The following BRINP1 variants were observed in gnomAD, a reference collection of about 807,000 sequenced individuals.
The protein encoded by BRINP1 is BMP/retinoic acid inducible neural specific 1.
A neutral mutation model predicts 72.9 loss-of-function variants in BRINP1; 17 were observed. The observed-to-expected ratio is 0.23, with a 90% CI of 0.16 to 0.35. BRINP1 has a LOEUF of 0.35. BRINP1 is among the 10% of genes least tolerant of loss of function. The probability of loss-of-function intolerance (pLI) is 1.00; values close to 1 mark genes in which losing one functional copy is unlikely to be tolerated. For synonymous variants in BRINP1, 418 were observed against 378.5 expected, an observed-to-expected ratio of 1.10 and a Z score of -1.21; for missense variants, 850 against 1,001.6, an observed-to-expected ratio of 0.85 and a Z score of 2.04.
chr9:119,306,737 GGA>G (rs1297206065), intron 2 of BRINP1, among the ~76,000 whole-genome samples: 3 of 152,054 alleles, frequency 2.0e-5, no homozygotes, highest in Admixed American at 2.0e-4. Context: ...TTTTTTGACT[GGA>G]GAGCTAGTTT....
chr9:119,180,752 ACATGGTGT>A (rs1359808542), intron 7 of BRINP1, among the ~76,000 whole-genome samples: 1 of 152,154 alleles, frequency 6.6e-6, no homozygotes, highest in African/African-American at 2.4e-5. Context: ...TCAGTTCTTC[ACATGGTGT>A]CACAGCCTCA....
rs1213045833 is a variant in BRINP1, at chr9:119,208,705, G to T, written c.1145+14C>A. The T allele has an allele frequency of 1.9e-6, 3 of 1,610,624 alleles. No individual in the cohort carries two copies. The Admixed American group carries it at 5.0e-5, about 27-fold the overall frequency. On this transcript the variant is annotated intron_variant, in intron 7 of 7. Coordinates refer to ENST00000265922, the MANE Select transcript of BRINP1 (RefSeq NM_014618.3). ...GTAGGTGCCTGCAGAGGTGGAGGTG[G>T]TGGCAACACTTACCTCTCTCTAGGC...
Position 119,242,216 on chromosome 9 carries a change from C to G in BRINP1, c.410G>C (p.Gly137Ala). The G allele has an allele frequency of 1.9e-6, 3 of 1,613,604 alleles. No homozygotes were observed. Among genetic ancestry groups the G allele is most frequent in the African/African-American group, 2.7e-5 (2 of 75,008 alleles). ...THLLISATLG[G>A]EEALTMYMDK... ...CATATACATGGTCAAAGCCTCCTCCCCTGGATGGGAAAGAAAAGTAGATAA... is the reference window on the plus strand; with the variant it reads ...CATATACATGGTCAAAGCCTCCTCCGCTGGATGGGAAAGAAAAGTAGATAA... Residue 137 changes from glycine to alanine, a missense_variant and splice_region_variant, in exon 4 of 8, where the codon GGG becomes GCG. By Grantham distance (60) the Gly-to-Ala change is moderately conservative. Coordinates refer to ENST00000265922, the MANE Select transcript of BRINP1 (RefSeq NM_014618.3).
intron 5 of BRINP1, among the ~76,000 whole-genome samples, chr9:119,219,436 TTTCC>T (rs1297858283): frequency 6.6e-6 from 1 of 152,130 alleles, no homozygotes; most frequent in East Asian, 1.9e-4. Context: ...TTCTATTAAT[TTTCC>T]TTCCTTCCTT....
intron 1 of BRINP1, among the ~76,000 whole-genome samples, chr9:119,316,965 C>A (rs933177338): frequency 2.0e-5 from 3 of 149,120 alleles, no homozygotes; most frequent in South Asian, 2.1e-4. Context: ...GTGGTGCGCA[C>A]CTGTAGTCCC....
At chr9:119,208,548 C>A (rs1343811338) in intron 7 of BRINP1, among the ~76,000 whole-genome samples, 171 bp downstream of exon 7, 1 of 152,154 alleles carries the variant, frequency 6.6e-6, no homozygotes, top group Non-Finnish European at 1.5e-5. Context: ...CAATGTGGAG[C>A]CAGTAGGTGA....
intron 7 of BRINP1, among the ~76,000 whole-genome samples, chr9:119,180,504 T>C (rs572059232): frequency 5.9e-5 from 9 of 151,924 alleles, no homozygotes; most frequent in African/African-American, 1.7e-4. Flanking sequence ...TGTGTGTGTG[T>C]GTGTGTGTGT....
intron 2 of BRINP1, among the ~76,000 whole-genome samples, chr9:119,304,188 C>A (rs1395030788): frequency 6.6e-6 from 1 of 152,114 alleles, no homozygotes; most frequent in Non-Finnish European, 1.5e-5. Flanking sequence ...CTGCTAAAGG[C>A]TGTCTTATAT....
intron 1 of BRINP1, among the ~76,000 whole-genome samples, chr9:119,362,734 A>G (rs1831649693): frequency 6.6e-6 from 1 of 152,098 alleles, no homozygotes; most frequent in Admixed American, 6.5e-5. Context: ...TCCTCACTTT[A>G]CACTGTTGTA....
chr9:119,263,850 C>T (rs962831529), intron 2 of BRINP1, among the ~76,000 whole-genome samples: 7 of 151,928 alleles, frequency 4.6e-5, no homozygotes, highest in African/African-American at 1.2e-4. Flanking sequence ...CCTTGTGATC[C>T]GCCCGCCTCG....
At chr9:119,340,323 G>T (rs538071023) in intron 1 of BRINP1, among the ~76,000 whole-genome samples, 1 of 152,094 alleles carries the variant, frequency 6.6e-6, no homozygotes, top group Non-Finnish European at 1.5e-5. Flanking sequence ...TGAGGTTCCC[G>T]GCAGCTGAAG....
At chr9:119,227,898 T>C (rs1440381741) in intron 5 of BRINP1, among the ~76,000 whole-genome samples, 2 of 152,064 alleles carry the variant, frequency 1.3e-5, no homozygotes, top group African/African-American at 4.8e-5. Context: ...GTTGGTGGGA[T>C]GGATAAATGG....
chr9:119,306,524 A>G (rs1188558953), intron 2 of BRINP1, among the ~76,000 whole-genome samples: 1 of 152,220 alleles, frequency 6.6e-6, no homozygotes, highest in African/African-American at 2.4e-5. Context: ...ATGGGCCATC[A>G]TCCCATTCTC....
At chr9:119,172,436 A>G (rs1403168375) in intron 7 of BRINP1, among the ~76,000 whole-genome samples, 2 of 152,168 alleles carry the variant, frequency 1.3e-5, no homozygotes, top group African/African-American at 4.8e-5. Context: ...ACCAGGAAGA[A>G]GTTGAATCTC....
chr9:119,329,834 A>C (rs1284082530), intron 1 of BRINP1, among the ~76,000 whole-genome samples: 1 of 152,178 alleles, frequency 6.6e-6, no homozygotes, highest in African/African-American at 2.4e-5. Flanking sequence ...AAGTTTTAGA[A>C]CTTTCTGAGA....
Position 119,350,465 on chromosome 9 carries a change from T to C in BRINP1, c.-51+18591A>G, listed in dbSNP as rs141920147. On this transcript the variant is annotated intron_variant, in intron 1 of 7. Transcript: ENST00000265922. Reference sequence around the variant, plus strand: ...TCTCTTGGGTGCTTTCTCCTACAGCTCATACAGTTCACATTCCCCTGGTCC... The same window carrying C: ...TCTCTTGGGTGCTTTCTCCTACAGCCCATACAGTTCACATTCCCCTGGTCC... Among the ~76,000 whole-genome samples the C allele has an allele frequency of 6.6e-4, 101 of 152,304 alleles. 1 individual carries two copies. The highest frequency in any genetic ancestry group is 1.2e-3 in the Non-Finnish European group (83 of 68,026).
At chr9:119,304,509 T>A (rs1253981960) in intron 2 of BRINP1, among the ~76,000 whole-genome samples, 1 of 152,228 alleles carries the variant, frequency 6.6e-6, no homozygotes, top group African/African-American at 2.4e-5. Context: ...CCATAGCTAA[T>A]GAGACCCAGT....
At chr9:119,313,098 A>T in intron 2 of BRINP1, 40 bp downstream of exon 2, 2 of 1,595,302 alleles carry the variant, frequency 1.3e-6, no homozygotes, top group Non-Finnish European at 8.6e-7. Context: ...ACAAAGCATA[A>T]TATGAATGTA....
intron 2 of BRINP1, among the ~76,000 whole-genome samples, chr9:119,296,533 G>A (rs1218531793): frequency 6.6e-6 from 1 of 152,180 alleles, no homozygotes; most frequent in African/African-American, 2.4e-5. Context: ...CAAAGGAAAT[G>A]AGATTAGTAT....
Sources: gnomAD v4.1 joint callset for allele counts (sites outside exome capture counted in the v4.1 genomes callset) on GRCh38, gnomAD v4.1.1 for gene constraint, MANE v1.5 for transcripts, NCBI Gene and HGNC (gene_info 2026-07-23, HGNC 2026-07-21) for gene names.